The following SEL1L2 variants were observed in gnomAD, a reference collection of about 807,000 sequenced individuals.
SEL1L2 encodes the protein protein sel-1 homolog 2.
SEL1L2 carries 89 observed loss-of-function variants against 98.8 expected under a neutral mutation model. That is an observed-to-expected ratio of 0.90 (90% CI 0.76 to 1.07). The LOEUF is 1.07. SEL1L2 is among the 50% of genes least tolerant of loss of function. SEL1L2 has a pLI of 0.00. For missense variants in SEL1L2, 788 were observed against 812.0 expected (o/e 0.97, Z 0.36); for synonymous variants, 262 against 278.5 (o/e 0.94, Z 0.59).
chr20:13,964,667 G>C (rs995197087), intron 1 of SEL1L2, among the ~76,000 whole-genome samples: 1 of 152,080 alleles, frequency 6.6e-6, no homozygotes. Context: ...GGCCAGGCTG[G>C]TCTCAAGCTC....
Position 13,919,024 on chromosome 20 carries a change from TC to T in SEL1L2, c.382del (p.Glu128LysfsTer16). The T allele has an allele frequency of 6.2e-7, 1 of 1,607,142 alleles. No individual in the cohort carries two copies. The highest frequency in any genetic ancestry group is 8.5e-7 in the Non-Finnish European group (1 of 1,174,940). Reference sequence around the variant, plus strand: ...AGGTCACTGGATAAAGACTTACTCTTCTTTTTGTTTTTGGCTTTTAGACTGC... The same window carrying T: ...AGGTCACTGGATAAAGACTTACTCTTTTTTTGTTTTTGGCTTTTAGACTGC... ...LQQSKSQKQKEEAYLLFAKAA... is the reference protein window; with the variant it reads ...LQQSKSQKQKXEAYLLFAKAA... On this transcript the variant is annotated frameshift_variant, in exon 4 of 20. Coordinates refer to ENST00000284951, the MANE Select transcript of SEL1L2 (RefSeq NM_025229.2). LOFTEE classifies it high-confidence loss of function.
Position 13,849,366 on chromosome 20 carries a change from T to C in SEL1L2, c.*119A>G. On this transcript the variant is annotated 3_prime_UTR_variant, in exon 20 of 20. Coordinates refer to ENST00000284951, the MANE Select transcript of SEL1L2 (RefSeq NM_025229.2). ...GTCCCCAAGTCTTGTCTGTTTCCCA[T>C]CACAGCCCTGAGCGGGAAACTGCAG... The C allele has an allele frequency of 7.6e-7, 1 of 1,312,190 alleles. No homozygotes were observed. Among genetic ancestry groups the C allele is most frequent in the Non-Finnish European group, 1.1e-6 (1 of 937,714 alleles). 81.3% of individuals were successfully genotyped at this position (1,312,190 alleles called of 1,614,324 possible).
intron 1 of SEL1L2, among the ~76,000 whole-genome samples, chr20:13,983,406 G>T (rs900585416): frequency 6.6e-6 from 1 of 152,246 alleles, no homozygotes; most frequent in African/African-American, 2.4e-5. Context: ...TGTCTGTTTT[G>T]CCTTGAGAAA....
At chr20:13,876,308 C>T (rs1240291889) in intron 11 of SEL1L2, among the ~76,000 whole-genome samples, 193 bp from the exon 12 acceptor site, 1 of 151,102 alleles carries the variant, frequency 6.6e-6, no homozygotes, top group Non-Finnish European at 1.5e-5. Flanking sequence ...CAATTTAAAA[C>T]AAGAAAAAGT....
rs147283695 is a variant in SEL1L2 at position 13,982,279 on chromosome 20, C to T, written c.58+8198G>A. Among the ~76,000 whole-genome samples, 874 of 151,828 alleles carry T rather than the reference C, an allele frequency of 5.8e-3. 14 individuals carry two copies. Among genetic ancestry groups the T allele is most frequent in the African/African-American group, 0.02 (816 of 41,392 alleles). On this transcript the variant is annotated intron_variant, in intron 1 of 19. Coordinates refer to ENST00000284951, the MANE Select transcript of SEL1L2 (RefSeq NM_025229.2). The stretch of plus-strand genomic sequence containing the variant: ...TAATCCCAGCATTTTGGGAGGCTGA[C>T]GCAGGAGGATCGTTTGAGCTCAGGA...
At chr20:13,972,916 G>GA in intron 1 of SEL1L2, among the ~76,000 whole-genome samples, 1 of 152,186 alleles carries the variant, frequency 6.6e-6, no homozygotes, top group East Asian at 1.9e-4. Flanking sequence ...GCCTTAATGT[G>GA]AAAATTTGAG....
intron 1 of SEL1L2, among the ~76,000 whole-genome samples, chr20:13,964,263 T>C (rs899643227): frequency 6.6e-6 from 1 of 152,188 alleles, no homozygotes; most frequent in South Asian, 2.1e-4. Flanking sequence ...ATATCTTTAT[T>C]AAAAACCTGG....
At chr20:13,925,299 G>C (rs1422758750) in intron 3 of SEL1L2, among the ~76,000 whole-genome samples, 1 of 152,180 alleles carries the variant, frequency 6.6e-6, no homozygotes, top group African/African-American at 2.4e-5. Flanking sequence ...CAGGTTTCCA[G>C]AGTCATTATT....
At chr20:13,852,337 T>C (rs1441467555) in intron 18 of SEL1L2, among the ~76,000 whole-genome samples, 2 of 152,122 alleles carry the variant, frequency 1.3e-5, no homozygotes, top group Admixed American at 1.3e-4. Flanking sequence ...CAATTTGCAG[T>C]GTGTGTGGGG....
At chr20:13,947,118 TG>T (rs2050048563) in intron 2 of SEL1L2, among the ~76,000 whole-genome samples, 1 of 37,934 alleles carries the variant, frequency 2.6e-5, no homozygotes, top group Non-Finnish European at 5.8e-5. Flanking sequence ...ACCTGAAGCC[TG>T]GGGGCCAGGA....
At chr20:13,984,424 G>A (rs1413291208) in intron 1 of SEL1L2, among the ~76,000 whole-genome samples, 2 of 152,162 alleles carry the variant, frequency 1.3e-5, no homozygotes, top group Admixed American at 1.3e-4. Flanking sequence ...ATTCTCTGTG[G>A]CATTTGGCAT....
intron 5 of SEL1L2, among the ~76,000 whole-genome samples, chr20:13,905,448 G>C (rs2047881268): frequency 6.6e-6 from 1 of 151,748 alleles, no homozygotes; most frequent in Non-Finnish European, 1.5e-5. Flanking sequence ...GTAGCTGGGA[G>C]TACAGGCACC....
chr20:13,913,887 T>G lies in SEL1L2; in HGVS notation c.444A>C (p.Lys148Asn). 1.9e-6 allele frequency: 3 copies of G among 1,565,298 alleles called. No homozygotes were observed. Among genetic ancestry groups the G allele is most frequent in the South Asian group, 2.5e-5 (2 of 80,748 alleles). The change falls in exon 5 of 20, where the codon AAA becomes AAC. Residue 148 changes from lysine (K) to asparagine (N), a missense_variant. Lys to Asn is a moderately conservative substitution (Grantham distance 94, BLOSUM62 0). Coordinates refer to ENST00000284951, the MANE Select transcript of SEL1L2 (RefSeq NM_025229.2). ...ADMGNLKAMEKMADALLFGNF... is the reference protein window; with the variant it reads ...ADMGNLKAMENMADALLFGNF... The stretch of plus-strand genomic sequence containing the variant: ...TTCCAAATAGCAAAGCGTCAGCCAT[T>G]TTCTCCATAGCTTTCAAGTTTCCCA...
intron 8 of SEL1L2, 90 bp downstream of exon 8, chr20:13,887,679 A>G (rs1325418723): frequency 4.9e-6 from 4 of 808,976 alleles, no homozygotes; most frequent in South Asian, 1.6e-5. Context: ...TGATATTTTC[A>G]TAAGTTTATA....
intron 5 of SEL1L2, among the ~76,000 whole-genome samples, chr20:13,905,516 A>G (rs970318275): frequency 3.9e-5 from 6 of 151,912 alleles, no homozygotes; most frequent in Non-Finnish European, 7.4e-5. Flanking sequence ...GGGTTTCACC[A>G]TGTTAGCCAG....
chr20:13,893,380 A>G (rs1478104629), intron 5 of SEL1L2, among the ~76,000 whole-genome samples: 1 of 152,244 alleles, frequency 6.6e-6, no homozygotes, highest in African/African-American at 2.4e-5. Context: ...CTTATATCAG[A>G]GAAAACTGAC....
At chr20:13,886,932 T>C (rs1349505778) in intron 8 of SEL1L2, among the ~76,000 whole-genome samples, 1 of 152,088 alleles carries the variant, frequency 6.6e-6, no homozygotes, top group Non-Finnish European at 1.5e-5. Flanking sequence ...GTTCTCTAGT[T>C]CTTCTTTGCA....
At chr20:13,897,328 T>C (rs752767243) in intron 5 of SEL1L2, among the ~76,000 whole-genome samples, 1 of 152,200 alleles carries the variant, frequency 6.6e-6, no homozygotes, top group Non-Finnish European at 1.5e-5. Context: ...GAGGAAAAGC[T>C]TCATGACATT....
chr20:13,924,288 C>CTTT (rs59961411), intron 3 of SEL1L2, among the ~76,000 whole-genome samples: 35,211 of 148,616 alleles, frequency 0.24, 4,452 homozygotes, highest in South Asian at 0.36. Flanking sequence ...TTTTGTTTTT[C>CTTT]TTTTTTTTTC....
Sources: allele counts gnomAD v4.1 joint callset (sites outside exome capture counted in the v4.1 genomes callset), GRCh38; gene constraint gnomAD v4.1.1; transcripts MANE v1.5; gene names NCBI Gene and HGNC (gene_info 2026-07-23, HGNC 2026-07-21).